DENND1B: variants seen among roughly 807,000 people sequenced by gnomAD.
The protein encoded by DENND1B is DENN domain containing 1B, also known as DENN domain-containing protein 1B.
In DENND1B, 59 loss-of-function variants were observed where a neutral mutation model predicts 90.1. That is an observed-to-expected ratio of 0.65 (90% CI 0.53 to 0.81). The LOEUF is 0.81. Ranked by LOEUF, DENND1B falls within the 40% of genes least tolerant of loss-of-function variation. The pLI is 0.00. For synonymous variants in DENND1B, 337 were observed against 324.6 expected, an observed-to-expected ratio of 1.04 and a Z score of -0.41; for missense variants, 862 against 912.6, an observed-to-expected ratio of 0.94 and a Z score of 0.71.
chr1:197,633,066 G>T (rs1679473636), intron 10 of DENND1B, among the ~76,000 whole-genome samples: 2 of 152,118 alleles, frequency 1.3e-5, no homozygotes, highest in Non-Finnish European at 2.9e-5. Context: ...ATCCTGTCCA[G>T]GTGAAGTTCT....
At chr1:197,667,419 TTTA>T (rs1034175669) in intron 5 of DENND1B, among the ~76,000 whole-genome samples, 3 of 152,064 alleles carry the variant, frequency 2.0e-5, no homozygotes, top group African/African-American at 7.2e-5. Context: ...TCCCATTCTT[TTTA>T]TTTTTATTTA....
In DENND1B at chr1:197,705,375, TAAG is replaced by T. The variant is rs1659424905; in HGVS notation, c.126+9653_126+9655del. On this transcript the variant is annotated intron_variant, in intron 3 of 22. Transcript: ENST00000620048. The stretch of plus-strand genomic sequence containing the variant: ...TCAGCTCTAACCTTCAAGAAGGCTA[TAAG>T]AATTGTTGTAAACTAGAATCCTAAG... Among the ~76,000 whole-genome samples the T allele has an allele frequency of 2.0e-5, 3 of 152,110 alleles. No individual in the cohort carries two copies. The South Asian group carries it at 6.2e-4, about 31-fold the overall frequency.
intron 3 of DENND1B, among the ~76,000 whole-genome samples, chr1:197,680,144 G>A (rs1362902527): frequency 6.6e-6 from 1 of 151,982 alleles, no homozygotes; most frequent in African/African-American, 2.4e-5. Flanking sequence ...AAAAAGTTGT[G>A]TCCCCAGGTT....
At position 197,770,138 on chromosome 1, in the gene DENND1B, CTGAGT is replaced by C. The variant is rs141611444; in HGVS notation, c.82+2725_82+2729del. Among the ~76,000 whole-genome samples the C allele has an allele frequency of 6.8e-4, 103 of 152,204 alleles. No individual in the cohort carries two copies. The East Asian group carries it at 0.02, about 29-fold the overall frequency. On this transcript the variant is annotated intron_variant, in intron 2 of 22. Transcript: ENST00000620048. ...AGAAAGGTTACTGCTGCTTACATGGCTGAGTTTAGTTTTTTAAAATATCTTTAGAA... is the reference window on the plus strand; with the variant it reads ...AGAAAGGTTACTGCTGCTTACATGGCTTAGTTTTTTAAAATATCTTTAGAA...
At chr1:197,687,195 C>T (rs988824525) in intron 3 of DENND1B, among the ~76,000 whole-genome samples, 2 of 152,108 alleles carry the variant, frequency 1.3e-5, no homozygotes, top group Non-Finnish European at 2.9e-5. Flanking sequence ...GAACCTCAGG[C>T]GAGTGACATG....
rs1440845965 is a variant in DENND1B, at chr1:197,624,451, G to T, written c.673-6692C>A. ...TGAATCACAGACCTAAATGTAAAAT[G>T]CAAAACTATAAAACTCCTAGAGGAT... is the stretch of plus-strand genomic sequence containing the variant. On this transcript the variant is annotated intron_variant, in intron 10 of 22. Coordinates refer to ENST00000620048, the MANE Select transcript of DENND1B (RefSeq NM_001195215.2). 2.0e-5 allele frequency among the ~76,000 whole-genome samples: 3 copies of T among 151,670 alleles called. No individual in the cohort carries two copies. The East Asian group carries it at 5.8e-4, about 30-fold the overall frequency.
chr1:197,741,401 A>G (rs1044520839), intron 2 of DENND1B, among the ~76,000 whole-genome samples: 2 of 152,338 alleles, frequency 1.3e-5, no homozygotes, highest in Non-Finnish European at 2.9e-5. Flanking sequence ...GCAAATAATC[A>G]TTAAAGCAGT....
intron 10 of DENND1B, among the ~76,000 whole-genome samples, chr1:197,623,717 T>C (rs1678384588): frequency 6.6e-6 from 1 of 151,458 alleles, no homozygotes; most frequent in South Asian, 2.1e-4. Flanking sequence ...TGGTACATTG[T>C]TACAGTCAAT....
intron 2 of DENND1B, among the ~76,000 whole-genome samples, chr1:197,768,746 G>A (rs1477915502): frequency 6.6e-6 from 1 of 151,750 alleles, no homozygotes; most frequent in African/African-American, 2.4e-5. Context: ...CTAACACATA[G>A]GGGACACTAT....
At chr1:197,729,380 T>C (rs977006132) in intron 2 of DENND1B, among the ~76,000 whole-genome samples, 1 of 152,190 alleles carries the variant, frequency 6.6e-6, no homozygotes, top group East Asian at 1.9e-4. Context: ...TCATAAACTT[T>C]ATTTGCTTAT....
intron 20 of DENND1B, among the ~76,000 whole-genome samples, chr1:197,537,532 A>C (rs1236889749): frequency 1.3e-5 from 2 of 152,086 alleles, no homozygotes; most frequent in African/African-American, 4.8e-5. Flanking sequence ...GTATACTAGA[A>C]AATTACTAAG....
chr1:197,557,025 C>A (rs1338372774), intron 15 of DENND1B, among the ~76,000 whole-genome samples: 1 of 151,864 alleles, frequency 6.6e-6, no homozygotes, highest in Admixed American at 6.6e-5. Flanking sequence ...GTTTTAAAGG[C>A]AAATAATTAT....
intron 13 of DENND1B, chr1:197,605,722 A>G (rs754644296): frequency 2.0e-5 from 3 of 151,150 alleles, no homozygotes; most frequent in Non-Finnish European, 4.5e-5. Context: ...AAAAAGATGT[A>G]ATTTTTCACT....
At chr1:197,665,737 A>C (rs1034235279) in intron 5 of DENND1B, among the ~76,000 whole-genome samples, 1 of 152,162 alleles carries the variant, frequency 6.6e-6, no homozygotes, top group African/African-American at 2.4e-5. Flanking sequence ...AGAGACATTC[A>C]TAAATATTTT....
chr1:197,516,282 C>T (rs1387721962), intron 20 of DENND1B, among the ~76,000 whole-genome samples: 1 of 151,720 alleles, frequency 6.6e-6, no homozygotes, highest in African/African-American at 2.4e-5. Flanking sequence ...AAATAAGCTT[C>T]TTCTAATTAA....
intron 10 of DENND1B, among the ~76,000 whole-genome samples, chr1:197,624,534 C>T (rs1678473813): frequency 6.6e-6 from 1 of 151,580 alleles, no homozygotes; most frequent in Non-Finnish European, 1.5e-5. Flanking sequence ...GAGACAACAC[C>T]AAAGTCATGA....
intron 2 of DENND1B, among the ~76,000 whole-genome samples, chr1:197,742,922 G>A (rs1663350753): frequency 6.6e-6 from 1 of 152,086 alleles, no homozygotes; most frequent in African/African-American, 2.4e-5. Context: ...AGAACCAAGA[G>A]ACAGAACAAG....
At chr1:197,622,658 CT>C (rs951188256) in intron 10 of DENND1B, among the ~76,000 whole-genome samples, 4 of 151,234 alleles carry the variant, frequency 2.6e-5, no homozygotes, top group African/African-American at 9.7e-5. Flanking sequence ...CAGCAGGTAA[CT>C]AATAAAACAG....
intron 14 of DENND1B, among the ~76,000 whole-genome samples, chr1:197,584,456 C>T (rs977839328): frequency 3.9e-5 from 6 of 152,172 alleles, no homozygotes; most frequent in Non-Finnish European, 7.3e-5. Flanking sequence ...TGGTTAGTGG[C>T]TACCATATTG....
Sources: allele counts gnomAD v4.1 joint callset (sites outside exome capture counted in the v4.1 genomes callset), GRCh38; gene constraint gnomAD v4.1.1; transcripts MANE v1.5; gene names NCBI Gene and HGNC (gene_info 2026-07-23, HGNC 2026-07-21).